NRXN3: variants seen among roughly 807,000 people sequenced by gnomAD.
NRXN3 encodes the protein neurexin III.
Under a neutral mutation model 137.6 loss-of-function variants are expected in NRXN3, and 32 were observed. The observed-to-expected ratio is 0.23, with a 90% CI of 0.18 to 0.31. The LOEUF (loss-of-function observed/expected upper bound fraction) is 0.31. Ranked by LOEUF, NRXN3 falls within the 10% of genes least tolerant of loss-of-function variation. The pLI is 1.00. For synonymous variants in NRXN3, 798 were observed against 784.5 expected (o/e 1.02, Z -0.29); for missense variants, 1,574 against 2,062.5 (o/e 0.76, Z 4.59).
chr14:79,261,645 TGGG>T (rs1568839126), intron 15 of NRXN3, among the ~76,000 whole-genome samples: 7 of 22,860 alleles, frequency 3.1e-4, no homozygotes, highest in South Asian at 3.7e-3. Flanking sequence ...GTGTGTGTGA[TGGG>T]GTGGGGGCGG....
At chr14:78,599,608 C>T (rs2097186494) in intron 4 of NRXN3, among the ~76,000 whole-genome samples, 1 of 152,208 alleles carries the variant, frequency 6.6e-6, no homozygotes, top group African/African-American at 2.4e-5. Flanking sequence ...CCCTCCAACC[C>T]CTGACACTGT....
chr14:79,829,550 G>A (rs1345511609), intron 20 of NRXN3, among the ~76,000 whole-genome samples: 5 of 152,170 alleles, frequency 3.3e-5, no homozygotes, highest in African/African-American at 1.2e-4. Flanking sequence ...AACCATCAAG[G>A]TCAATAGCAG....
At chr14:78,895,410 C>A in intron 10 of NRXN3, among the ~76,000 whole-genome samples, 1 of 152,038 alleles carries the variant, frequency 6.6e-6, no homozygotes, top group East Asian at 1.9e-4. Flanking sequence ...CCTCACCTCT[C>A]TTAGCCTTCA....
Position 79,510,453 on chromosome 14 carries a change from A to C in NRXN3, c.3444+43051A>C, listed in dbSNP as rs560451660. On this transcript the variant is annotated intron_variant, in intron 16 of 20. Transcript: ENST00000335750. Reference sequence around the variant, plus strand: ...CTTACCAGCCAGGTTACAAGAAGCAAACACCTATCCCACCGATTCAGAATA... The same window carrying C: ...CTTACCAGCCAGGTTACAAGAAGCACACACCTATCCCACCGATTCAGAATA... Among the ~76,000 whole-genome samples the C allele has an allele frequency of 3.9e-5, 6 of 152,270 alleles. No individual in the cohort carries two copies. The South Asian group carries it at 1.2e-3, about 32-fold the overall frequency.
chr14:79,024,405 C>T (rs2099594857), intron 15 of NRXN3, among the ~76,000 whole-genome samples: 1 of 152,076 alleles, frequency 6.6e-6, no homozygotes, highest in Non-Finnish European at 1.5e-5. Context: ...ATGTAATCTG[C>T]AGATCACAGA....
intron 4 of NRXN3, among the ~76,000 whole-genome samples, chr14:78,534,442 C>G (rs945712900): frequency 6.6e-6 from 1 of 152,188 alleles, no homozygotes; most frequent in Non-Finnish European, 1.5e-5. Context: ...ATGTCATAAT[C>G]ATATTCAGAA....
At chr14:78,794,832 T>C (rs1199731275) in intron 8 of NRXN3, among the ~76,000 whole-genome samples, 2 of 152,048 alleles carry the variant, frequency 1.3e-5, no homozygotes, top group Non-Finnish European at 2.9e-5. Context: ...CCCAGCACTT[T>C]GGGAGGCCAA....
At chr14:79,699,884 A>G (rs1332853169) in intron 19 of NRXN3, among the ~76,000 whole-genome samples, 2 of 152,038 alleles carry the variant, frequency 1.3e-5, no homozygotes, top group Non-Finnish European at 2.9e-5. Flanking sequence ...TTTAAGGGTA[A>G]GTACATCCTC....
At position 79,108,645 on chromosome 14, in the gene NRXN3, C is replaced by T. The variant is rs201228258; in HGVS notation, c.3262+120504C>T. On this transcript the variant is annotated intron_variant, in intron 15 of 20. Transcript: ENST00000335750. The stretch of plus-strand genomic sequence containing the variant: ...CATCCATGGTAATCACAGTTCAATA[C>T]AGCATACTTTTTTGAATGCCACCAA... Among the ~76,000 whole-genome samples the T allele has an allele frequency of 3.3e-5, 5 of 152,114 alleles. No homozygotes were observed. In the East Asian group the frequency reaches 9.6e-4, roughly 29 times the overall value.
At chr14:79,258,090 G>C (rs186257810) in intron 15 of NRXN3, among the ~76,000 whole-genome samples, 1 of 152,152 alleles carries the variant, frequency 6.6e-6, no homozygotes, top group African/African-American at 2.4e-5. Context: ...AGACTGATTA[G>C]AGTCTTCAGA....
rs992937209 is a variant in NRXN3 at position 79,189,539 on chromosome 14, TA to T, written c.3262+201410del. Among the ~76,000 whole-genome samples the T allele has an allele frequency of 2.0e-3, 265 of 134,602 alleles. 2 individuals are homozygous for T. In the East Asian group the frequency reaches 0.04, roughly 20 times the overall value. The allele number at this position is 134,602 out of a possible 152,430, so 88.3% of individuals were successfully genotyped here. On this transcript the variant is annotated intron_variant, in intron 15 of 20. Transcript: ENST00000335750. The stretch of plus-strand genomic sequence containing the variant: ...GTACCCTAGAACTTGAAGTATAATT[TA>T]AAAAAAAAAAAGTCCCTTTCTTCTT...
chr14:78,638,404 A>C (rs2097584706), intron 4 of NRXN3, among the ~76,000 whole-genome samples: 1 of 152,186 alleles, frequency 6.6e-6, no homozygotes, highest in Non-Finnish European at 1.5e-5. Flanking sequence ...ATGGCTCTGC[A>C]GCTTGATCTC....
At chr14:79,080,680 C>T (rs535836296) in intron 15 of NRXN3, among the ~76,000 whole-genome samples, 1 of 152,284 alleles carries the variant, frequency 6.6e-6, no homozygotes, top group African/African-American at 2.4e-5. Context: ...TTCCTCAATT[C>T]CTATATCCTA....
intron 4 of NRXN3, among the ~76,000 whole-genome samples, chr14:78,356,738 T>G (rs932154497): frequency 6.6e-6 from 1 of 152,262 alleles, no homozygotes; most frequent in South Asian, 2.1e-4. Context: ...ATAGTAATTA[T>G]GTATTTGTGG....
intron 1 of NRXN3, among the ~76,000 whole-genome samples, chr14:78,190,585 G>GGAA (rs2060620034): frequency 6.6e-6 from 1 of 152,068 alleles, no homozygotes; most frequent in African/African-American, 2.4e-5. Flanking sequence ...ACTGGGAATT[G>GGAA]GAAGAATGCA....
chr14:79,589,594 T>C (rs1319654940), intron 16 of NRXN3, among the ~76,000 whole-genome samples: 2 of 132,938 alleles, frequency 1.5e-5, no homozygotes, highest in Non-Finnish European at 3.3e-5. Context: ...AAGAGATAGA[T>C]AGTAAAAGAG....
intron 16 of NRXN3, among the ~76,000 whole-genome samples, chr14:79,555,820 C>T (rs2097423774): frequency 6.6e-6 from 1 of 152,166 alleles, no homozygotes; most frequent in Non-Finnish European, 1.5e-5. Context: ...CGTATTTTCA[C>T]CTTGCCAACT....
chr14:79,026,963 TA>T (rs61258569), intron 15 of NRXN3, among the ~76,000 whole-genome samples: 7 of 204 alleles, frequency 0.034, no homozygotes, highest in Non-Finnish European at 0.12. Context: ...TATATATATA[TA>T]TATATATATA....
At chr14:79,575,993 A>G (rs1433807223) in intron 16 of NRXN3, among the ~76,000 whole-genome samples, 3 of 152,168 alleles carry the variant, frequency 2.0e-5, no homozygotes, top group Non-Finnish European at 4.4e-5. Flanking sequence ...AAAAGTCCAG[A>G]AACCAGCAGC....
Sources: allele counts gnomAD v4.1 joint callset (sites outside exome capture counted in the v4.1 genomes callset), GRCh38; gene constraint gnomAD v4.1.1; transcripts MANE v1.5; gene names NCBI Gene and HGNC (gene_info 2026-07-23, HGNC 2026-07-21).